The following PBX3 variants were observed in gnomAD, a reference collection of about 807,000 sequenced individuals.
PBX3 encodes pre-B-cell leukemia transcription factor 3.
Under a neutral mutation model 48.5 loss-of-function variants are expected in PBX3, and 14 were observed. The ratio of observed to expected loss-of-function variants is 0.29; its 90% CI spans 0.19 to 0.45. The LOEUF is 0.45. Ranked by LOEUF, PBX3 falls within the 20% of genes least tolerant of loss-of-function variation. The pLI, the probability that PBX3 is intolerant of heterozygous loss-of-function variation, is 1.00. For synonymous variants in PBX3, 210 were observed against 200.3 expected (o/e 1.05, Z -0.41); for missense variants, 386 against 546.7 (o/e 0.71, Z 2.93).
At chr9:125,948,493 T>G (rs533545735) in intron 5 of PBX3, among the ~76,000 whole-genome samples, 1 of 152,216 alleles carries the variant, frequency 6.6e-6, no homozygotes, top group Admixed American at 6.5e-5. Context: ...AATTAAGCAA[T>G]ATAACCCTTG....
intron 2 of PBX3, among the ~76,000 whole-genome samples, chr9:125,781,081 A>G (rs371304697): frequency 1.2e-4 from 17 of 139,658 alleles, no homozygotes; most frequent in East Asian, 1.1e-3. Context: ...GACGATGGGC[A>G]GCCAGGCAGA....
intron 5 of PBX3, among the ~76,000 whole-genome samples, chr9:125,943,910 C>A (rs1039797474): frequency 6.6e-6 from 1 of 152,180 alleles, no homozygotes; most frequent in African/African-American, 2.4e-5. Context: ...TGAAAAAAGG[C>A]AGCCTTATAG....
At chr9:125,824,698 G>C (rs1838755122) in intron 2 of PBX3, among the ~76,000 whole-genome samples, 1 of 149,528 alleles carries the variant, frequency 6.7e-6, no homozygotes, top group South Asian at 2.1e-4. Flanking sequence ...TACATTTGAT[G>C]AATCAGTTGG....
chr9:125,958,126 G>A (rs1389819760), intron 5 of PBX3, among the ~76,000 whole-genome samples: 2 of 152,138 alleles, frequency 1.3e-5, no homozygotes, highest in East Asian at 1.9e-4. Context: ...TTGTCCTGGT[G>A]CAGAAATTCC....
chr9:125,772,596 T>C (rs1338798228), intron 2 of PBX3, among the ~76,000 whole-genome samples: 1 of 152,222 alleles, frequency 6.6e-6, no homozygotes, highest in East Asian at 1.9e-4. Context: ...GTCACCTAAT[T>C]TTTCCTGAGC....
At chr9:125,953,394 T>C (rs1291084637) in intron 5 of PBX3, among the ~76,000 whole-genome samples, 3 of 152,084 alleles carry the variant, frequency 2.0e-5, no homozygotes, top group Non-Finnish European at 4.4e-5. Context: ...GGAGGATCTC[T>C]TGAGCCTGGG....
chr9:125,911,976 T>C (rs1329270001), intron 2 of PBX3, among the ~76,000 whole-genome samples: 4 of 152,154 alleles, frequency 2.6e-5, no homozygotes, highest in Non-Finnish European at 2.9e-5. Context: ...GAAATAGCTA[T>C]GGTCTGAAGC....
At chr9:125,761,364 C>T (rs980744870) in intron 2 of PBX3, among the ~76,000 whole-genome samples, 1 of 152,040 alleles carries the variant, frequency 6.6e-6, no homozygotes, top group Admixed American at 6.6e-5. Flanking sequence ...TGTTCCATAT[C>T]ATTACATTTA....
intron 2 of PBX3, among the ~76,000 whole-genome samples, chr9:125,849,071 A>G (rs1018100139): frequency 6.6e-6 from 1 of 152,000 alleles, no homozygotes; most frequent in Non-Finnish European, 1.5e-5. Context: ...CTTTAGTGAA[A>G]AAAATGGAAG....
chr9:125,891,542 C>T (rs867070311), intron 2 of PBX3, among the ~76,000 whole-genome samples: 13 of 152,302 alleles, frequency 8.5e-5, no homozygotes, highest in Middle Eastern at 3.4e-3. Flanking sequence ...TGATGTTACA[C>T]AAATAGAATA....
chr9:125,790,572 T>G (rs1316105695), intron 2 of PBX3, among the ~76,000 whole-genome samples: 2 of 151,694 alleles, frequency 1.3e-5, no homozygotes, highest in Non-Finnish European at 1.5e-5. Flanking sequence ...CTTTATAATT[T>G]AATTTAATTT....
chr9:125,839,887 A>G (rs1267115111), intron 2 of PBX3, among the ~76,000 whole-genome samples: 1 of 152,144 alleles, frequency 6.6e-6, no homozygotes. Flanking sequence ...TGTATACTCT[A>G]TTTTGAAGTA....
intron 2 of PBX3, among the ~76,000 whole-genome samples, chr9:125,771,687 A>C (rs1238607181): frequency 6.6e-6 from 1 of 152,186 alleles, no homozygotes; most frequent in Admixed American, 6.5e-5. Context: ...TTTGTCTGAA[A>C]ATATCTAGTA....
intron 2 of PBX3, among the ~76,000 whole-genome samples, chr9:125,755,880 A>G (rs180924155): frequency 9.2e-5 from 14 of 152,086 alleles, no homozygotes; most frequent in African/African-American, 2.9e-4. Flanking sequence ...ATGTTTCTGT[A>G]TAAAAATATA....
intron 2 of PBX3, among the ~76,000 whole-genome samples, chr9:125,885,362 T>C (rs1427394384): frequency 6.6e-6 from 1 of 152,194 alleles, no homozygotes; most frequent in East Asian, 1.9e-4. Flanking sequence ...GCCTCTTTTT[T>C]CAAGAATATC....
At chr9:125,960,884 G>C (rs1279571310) in intron 6 of PBX3, 35 bp downstream of exon 6, 10 of 1,603,818 alleles carry the variant, frequency 6.2e-6, no homozygotes, top group Non-Finnish European at 8.5e-6. Context: ...AACTGGCCCA[G>C]GCAGCCTTAT....
intron 2 of PBX3, among the ~76,000 whole-genome samples, chr9:125,811,608 A>G (rs946525383): frequency 6.6e-6 from 1 of 152,202 alleles, no homozygotes; most frequent in African/African-American, 2.4e-5. Context: ...CTGTGAGTCA[A>G]TTAAACCTCT....
chr9:125,752,139 C>CT (rs1328083798), intron 2 of PBX3, among the ~76,000 whole-genome samples: 3 of 152,102 alleles, frequency 2.0e-5, no homozygotes, highest in African/African-American at 7.2e-5. Flanking sequence ...CAACCAAACT[C>CT]TGATTTATTG....
At chr9:125,898,454 A>T (rs1588273402) in intron 2 of PBX3, among the ~76,000 whole-genome samples, 1 of 150,974 alleles carries the variant, frequency 6.6e-6, no homozygotes, top group African/African-American at 2.4e-5. Flanking sequence ...CTTCTGAAAA[A>T]AAAAAATAAA....
Sources: allele counts gnomAD v4.1 joint callset (sites outside exome capture counted in the v4.1 genomes callset), GRCh38; gene constraint gnomAD v4.1.1; transcripts MANE v1.5; gene names NCBI Gene and HGNC (gene_info 2026-07-23, HGNC 2026-07-21).